Variants in CCDC102B observed in about 807,000 individuals in gnomAD.
CCDC102B encodes the protein coiled-coil domain-containing protein 102B.
A neutral mutation model predicts 57.4 loss-of-function variants in CCDC102B; 75 were observed. The observed-to-expected ratio is 1.31, with a 90% CI of 1.08 to 1.58. The LOEUF (loss-of-function observed/expected upper bound fraction) is 1.58, where lower values mean the gene tolerates loss of function less well. CCDC102B is among the 40% of genes most tolerant of loss of function. The probability of loss-of-function intolerance (pLI) is 0.00; values close to 1 mark genes in which losing one functional copy is unlikely to be tolerated. For missense variants in CCDC102B, 636 were observed against 582.6 expected, an observed-to-expected ratio of 1.09 and a Z score of -0.94; for synonymous variants, 206 against 201.9, an observed-to-expected ratio of 1.02 and a Z score of -0.17.
chr18:68,785,012 A>G (rs1480663626), intron 2 of CCDC102B, among the ~76,000 whole-genome samples: 1 of 119,564 alleles, frequency 8.4e-6, no homozygotes, highest in Non-Finnish European at 1.6e-5. Flanking sequence ...AGAGTGTGAT[A>G]TTCCCCTTCC....
rs58987347 is a variant in CCDC102B, at chr18:68,884,669, C to CAT, written c.1053+9893_1053+9894dup. 5.5e-4 allele frequency among the ~76,000 whole-genome samples: 83 copies of CAT among 150,056 alleles called. No homozygotes were observed. The East Asian group carries it at 0.016, about 29-fold the overall frequency. ...TCTCCCCATCGTATATATATACACA[C>CAT]ATATATATATGTATCCTCTGACCTA... is the stretch of plus-strand genomic sequence containing the variant. On this transcript the variant is annotated intron_variant, in intron 5 of 7. Coordinates refer to ENST00000360242, the MANE Select transcript of CCDC102B (RefSeq NM_024781.3).
intron 1 of CCDC102B, among the ~76,000 whole-genome samples, chr18:68,820,017 TGA>T (rs2036632963): frequency 6.6e-6 from 1 of 152,112 alleles, no homozygotes; most frequent in African/African-American, 2.4e-5. Context: ...ATGTACAAAA[TGA>T]GAGTTTTATT....
chr18:69,012,596 C>A (rs1288338840), intron 7 of CCDC102B, among the ~76,000 whole-genome samples: 1 of 152,024 alleles, frequency 6.6e-6, no homozygotes, highest in African/African-American at 2.4e-5. Context: ...CCGTTAGAAG[C>A]TTTGAGAGCG....
chr18:68,969,314 C>G (rs1299850058), intron 6 of CCDC102B, among the ~76,000 whole-genome samples: 1 of 152,174 alleles, frequency 6.6e-6, no homozygotes, highest in Non-Finnish European at 1.5e-5. Context: ...TCATGCTTCC[C>G]CTTACCTGCC....
chr18:68,826,477 C>A (rs930699524), intron 1 of CCDC102B, among the ~76,000 whole-genome samples: 1 of 152,136 alleles, frequency 6.6e-6, no homozygotes, highest in African/African-American at 2.4e-5. Flanking sequence ...AAATCTCATT[C>A]TTTCATAACC....
intron 6 of CCDC102B, among the ~76,000 whole-genome samples, chr18:68,950,111 C>T (rs1253528108): frequency 6.6e-6 from 1 of 152,064 alleles, no homozygotes; most frequent in Admixed American, 6.6e-5. Flanking sequence ...GTCTTACAAT[C>T]CTTAGTTTCA....
intron 6 of CCDC102B, among the ~76,000 whole-genome samples, chr18:68,987,677 A>C (rs941163064): frequency 6.6e-6 from 1 of 152,174 alleles, no homozygotes; most frequent in Non-Finnish European, 1.5e-5. Flanking sequence ...AACACACAGA[A>C]TCTACAACGA....
At chr18:68,933,397 G>A (rs1599713284) in intron 6 of CCDC102B, among the ~76,000 whole-genome samples, 1 of 151,684 alleles carries the variant, frequency 6.6e-6, no homozygotes, top group East Asian at 1.9e-4. Flanking sequence ...AGTTTTTGGA[G>A]GCCAAATATT....
chr18:68,862,278 T>G (rs1463329334), intron 4 of CCDC102B, among the ~76,000 whole-genome samples: 1 of 152,178 alleles, frequency 6.6e-6, no homozygotes, highest in Non-Finnish European at 1.5e-5. Context: ...GGACTCTAAT[T>G]GGCTTTTTCC....
intron 1 of CCDC102B, among the ~76,000 whole-genome samples, chr18:68,823,001 T>G (rs2144743392): frequency 6.6e-6 from 1 of 152,220 alleles, no homozygotes; most frequent in South Asian, 2.1e-4. Flanking sequence ...CACTCCCCTG[T>G]AGCACAAATG....
intron 2 of CCDC102B, chr18:68,753,983 A>T (rs930699767): frequency 2.0e-5 from 3 of 152,172 alleles, no homozygotes; most frequent in African/African-American, 4.8e-5. Flanking sequence ...TAAACACTCC[A>T]TATGGGTTGT....
chr18:68,936,812 C>CACACATAT (rs1304617586), intron 6 of CCDC102B, among the ~76,000 whole-genome samples: 2 of 150,360 alleles, frequency 1.3e-5, no homozygotes, highest in South Asian at 2.1e-4. Flanking sequence ...TACATATATA[C>CACACATAT]ACACATATAC....
At chr18:68,832,733 A>C (rs1421393540) in intron 1 of CCDC102B, among the ~76,000 whole-genome samples, 1 of 151,618 alleles carries the variant, frequency 6.6e-6, no homozygotes, top group Non-Finnish European at 1.5e-5. Flanking sequence ...AGGAAAGTAT[A>C]ACCTGCTACC....
At position 69,054,189 on chromosome 18, in the gene CCDC102B, A is replaced by T. The variant is rs369224103; in HGVS notation, c.*52A>T. The stretch of plus-strand genomic sequence containing the variant: ...AGATTAGGGCCTTAAAGACATTTCC[A>T]TATCCTTTTCTTAAATATCAGTAAA... On this transcript the variant is annotated 3_prime_UTR_variant, in exon 8 of 8. Coordinates refer to ENST00000360242, the MANE Select transcript of CCDC102B (RefSeq NM_024781.3). 506 of 1,509,922 alleles carry T rather than the reference A, an allele frequency of 3.4e-4. 3 individuals carry two copies. The African/African-American group carries it at 6.6e-3, about 20-fold the overall frequency. The allele number at this position is 1,509,922 out of a possible 1,614,324, so 93.5% of individuals were successfully genotyped here.
intron 6 of CCDC102B, among the ~76,000 whole-genome samples, chr18:68,988,098 T>C (rs997715535): frequency 1.3e-5 from 2 of 152,136 alleles, no homozygotes; most frequent in African/African-American, 4.8e-5. Context: ...GGCACGCATA[T>C]GTTCATTGCA....
At chr18:68,796,303 G>A (rs1258291006), upstream of CCDC102B, among the ~76,000 whole-genome samples, 6 of 152,132 alleles carry the variant, frequency 3.9e-5, no homozygotes, top group Non-Finnish European at 7.4e-5. Flanking sequence ...AATAGAAGGA[G>A]TCAAGGATGA....
chr18:68,943,445 C>T (rs1482465251), intron 6 of CCDC102B, among the ~76,000 whole-genome samples: 5 of 152,070 alleles, frequency 3.3e-5, no homozygotes, highest in African/African-American at 1.2e-4. Context: ...TTTTTCTACA[C>T]TCTCAGAGCA....
intron 7 of CCDC102B, among the ~76,000 whole-genome samples, chr18:69,023,419 A>G (rs1475954365): frequency 6.6e-6 from 1 of 152,132 alleles, no homozygotes; most frequent in Non-Finnish European, 1.5e-5. Flanking sequence ...TTTTATTAAT[A>G]TACAGTGTTT....
At chr18:68,967,922 A>C (rs1280045108) in intron 6 of CCDC102B, among the ~76,000 whole-genome samples, 3 of 152,172 alleles carry the variant, frequency 2.0e-5, no homozygotes. Flanking sequence ...GCCTATAAAA[A>C]TACTATCAGA....
Sources: allele counts gnomAD v4.1 joint callset (sites outside exome capture counted in the v4.1 genomes callset), GRCh38; gene constraint gnomAD v4.1.1; transcripts MANE v1.5; gene names NCBI Gene and HGNC (gene_info 2026-07-23, HGNC 2026-07-21).